PCNX2: variants seen among roughly 807,000 people sequenced by gnomAD.
PCNX2 encodes the protein pecanex 2, also known as pecanex-like protein 2.
Under a neutral mutation model 223.8 loss-of-function variants are expected in PCNX2, and 168 were observed. The observed-to-expected ratio is 0.75, with a 90% CI of 0.66 to 0.85. The LOEUF (loss-of-function observed/expected upper bound fraction) is 0.85, where lower values mean the gene tolerates loss of function less well. PCNX2 is among the 40% of genes least tolerant of loss of function. The pLI, the probability that PCNX2 is intolerant of heterozygous loss-of-function variation, is 0.00. For missense variants in PCNX2, 2,507 were observed against 2,675.5 expected (o/e 0.94, Z 1.39); for synonymous variants, 1,006 against 1,052.6 (o/e 0.96, Z 0.86).
the PCNX2 span, among the ~76,000 whole-genome samples, chr1:233,318,687 C>T: frequency 6.7e-6 from 1 of 150,200 alleles, no homozygotes; most frequent in African/African-American, 2.5e-5. Flanking sequence ...CTGCTTCATC[C>T]TCCTGAGCAT....
At chr1:233,291,761 A>G (rs892924795) in intron 1 of PCNX2, 9 of 984,600 alleles carry the variant, frequency 9.1e-6, no homozygotes, top group Non-Finnish European at 1.1e-5. Context: ...TCATCTCAAA[A>G]GAATAAAGAC....
chr1:233,031,974 C>T (rs1671284029), intron 25 of PCNX2: 1 of 985,052 alleles, frequency 1.0e-6, no homozygotes, highest in African/African-American at 1.7e-5. Context: ...AAACCCTAGG[C>T]TCCAGTGGGG....
chr1:233,301,748 G>C, the PCNX2 span, among the ~76,000 whole-genome samples: 1 of 149,750 alleles, frequency 6.7e-6, no homozygotes, highest in Non-Finnish European at 1.5e-5. Context: ...TCATTAAAAG[G>C]AAAGAATATA....
chr1:232,986,323 G>A lies in PCNX2; in HGVS notation c.6009C>T (p.Thr2003=). ...GCTCACGGACACTCAGGTGGCCGGT[G>A]GTGGTGACGGGCGGGGGCTGAGAGT... ...SLHSQPPPVT[T]TGHLSVRERA... is the part of the protein sequence containing the mutation. Residue 2003 remains threonine, a synonymous_variant, in exon 33 of 34, where the codon ACC becomes ACT. Transcript: ENST00000258229. The A allele has an allele frequency of 6.3e-7, 1 of 1,589,458 alleles. No homozygotes were observed. Among genetic ancestry groups the A allele is most frequent in the East Asian group, 2.3e-5 (1 of 43,688 alleles).
chr1:233,132,555 G>A (rs1246885334), intron 21 of PCNX2, among the ~76,000 whole-genome samples: 1 of 152,150 alleles, frequency 6.6e-6, no homozygotes, highest in African/African-American at 2.4e-5. Flanking sequence ...CTTACAGAAA[G>A]AAACCTCACT....
chr1:233,259,344 C>A lies in PCNX2; in HGVS notation c.518G>T (p.Gly173Val). 3.1e-6 allele frequency: 5 copies of A among 1,602,722 alleles called. No homozygotes were observed. The highest frequency in any genetic ancestry group is 4.3e-6 in the Non-Finnish European group (5 of 1,173,106). The change falls in exon 5 of 34, where the codon GGT becomes GTT. Residue 173 changes from glycine (G) to valine (V), a missense_variant and splice_region_variant. Coordinates refer to ENST00000258229, the MANE Select transcript of PCNX2 (RefSeq NM_014801.4). ...GGGATGGTCTTCTAATAGAATGACA[C>A]CTGAAATGACACATGGCAACTTTAT... ...SAQETVEDLK[G>V]VILLEDHPIA...
At position 233,009,029 on chromosome 1, in the gene PCNX2, G is replaced by A. The variant is rs555695060; in HGVS notation, c.4952+5636C>T. On this transcript the variant is annotated intron_variant, in intron 28 of 33. Coordinates refer to ENST00000258229, the MANE Select transcript of PCNX2 (RefSeq NM_014801.4). Reference sequence around the variant, plus strand: ...ACTGCTGGGAGATGTTGTGGACAGCGGGACAGTGTGGCCAGTAGGAGCAAG... The same window carrying A: ...ACTGCTGGGAGATGTTGTGGACAGCAGGACAGTGTGGCCAGTAGGAGCAAG... 4.6e-5 allele frequency among the ~76,000 whole-genome samples: 7 copies of A among 152,296 alleles called. No homozygotes were observed. In the South Asian group the frequency reaches 6.2e-4, roughly 14 times the overall value.
the PCNX2 span, among the ~76,000 whole-genome samples, chr1:233,308,634 A>G: frequency 5.3e-5 from 8 of 152,176 alleles, no homozygotes; most frequent in African/African-American, 1.9e-4. Context: ...TGGGTGGTAG[A>G]GAAGAAAAAG....
At chr1:233,187,505 T>C (rs957918891) in intron 15 of PCNX2, among the ~76,000 whole-genome samples, 1 of 152,056 alleles carries the variant, frequency 6.6e-6, no homozygotes, top group Non-Finnish European at 1.5e-5. Context: ...ACTACATTTC[T>C]GGATTTGATC....
chr1:233,047,239 T>C, intron 25 of PCNX2: 1 of 444,332 alleles, frequency 2.3e-6, no homozygotes, highest in Non-Finnish European at 3.0e-6. Flanking sequence ...AACCACGAAG[T>C]TCTGTGGTGG....
chr1:233,039,683 TAA>T (rs1304617138), intron 25 of PCNX2, among the ~76,000 whole-genome samples: 2 of 152,114 alleles, frequency 1.3e-5, no homozygotes, highest in African/African-American at 4.8e-5. Flanking sequence ...TCTGCAGTAA[TAA>T]AAAAACCTCA....
chr1:233,151,837 GCC>G (rs1677829962), intron 19 of PCNX2, among the ~76,000 whole-genome samples: 1 of 152,162 alleles, frequency 6.6e-6, no homozygotes, highest in African/African-American at 2.4e-5. Flanking sequence ...ACCATGCCCG[GCC>G]AATTTTTGTA....
chr1:233,263,963 T>C (rs1027687446), intron 1 of PCNX2, among the ~76,000 whole-genome samples: 2 of 152,160 alleles, frequency 1.3e-5, no homozygotes, highest in African/African-American at 4.8e-5. Flanking sequence ...CTGCAGGCCA[T>C]GGATTTCCCT....
intron 25 of PCNX2, among the ~76,000 whole-genome samples, chr1:233,032,339 G>A (rs1671299168): frequency 6.6e-6 from 1 of 152,146 alleles, no homozygotes; most frequent in African/African-American, 2.4e-5. Context: ...CCAATCTCAG[G>A]TGATCCACCC....
At chr1:233,018,199 T>G (rs1311212368) in intron 26 of PCNX2, among the ~76,000 whole-genome samples, 2 of 150,236 alleles carry the variant, frequency 1.3e-5, no homozygotes, top group Non-Finnish European at 3.0e-5. Context: ...ATATTTTAGT[T>G]TTTTTTTTTT....
intron 21 of PCNX2, among the ~76,000 whole-genome samples, chr1:233,134,504 G>A (rs1238220817): frequency 6.6e-6 from 1 of 152,008 alleles, no homozygotes; most frequent in Non-Finnish European, 1.5e-5. Context: ...CTGCTCTTGG[G>A]TACCAGTTCC....
At chr1:233,290,951 T>A in intron 1 of PCNX2, 1 of 985,372 alleles carries the variant, frequency 1.0e-6, no homozygotes, top group South Asian at 4.7e-5. Context: ...TTGAAGGATG[T>A]GAAAGTTCCA....
intron 19 of PCNX2, among the ~76,000 whole-genome samples, chr1:233,155,925 T>C (rs2102811652): frequency 6.6e-6 from 1 of 152,310 alleles, no homozygotes; most frequent in South Asian, 2.1e-4. Context: ...CAGTTGCCTA[T>C]TGTGCTGTCT....
chr1:233,223,764 G>A (rs1657535107), intron 10 of PCNX2, among the ~76,000 whole-genome samples: 2 of 152,042 alleles, frequency 1.3e-5, no homozygotes, highest in South Asian at 4.1e-4. Context: ...TTTTAAGACA[G>A]GATTTTTAAG....
Sources: gnomAD v4.1 joint callset for allele counts (sites outside exome capture counted in the v4.1 genomes callset) on GRCh38, gnomAD v4.1.1 for gene constraint, MANE v1.5 for transcripts, NCBI Gene and HGNC (gene_info 2026-07-23, HGNC 2026-07-21) for gene names.